The following ZNF385D variants were observed in gnomAD, a reference collection of about 807,000 sequenced individuals.
The protein encoded by ZNF385D is zinc finger protein 385D.
ZNF385D carries 15 observed loss-of-function variants against 35.8 expected under a neutral mutation model. The observed-to-expected ratio is 0.42, with a 90% CI of 0.28 to 0.64. The LOEUF (loss-of-function observed/expected upper bound fraction) is 0.64. ZNF385D is among the 30% of genes least tolerant of loss of function. ZNF385D has a pLI of 0.23. For synonymous variants in ZNF385D, 212 were observed against 186.8 expected, an observed-to-expected ratio of 1.13 and a Z score of -1.10; for missense variants, 474 against 494.6, an observed-to-expected ratio of 0.96 and a Z score of 0.39.
chr3:21,823,999 A>G (rs766671100), intron 3 of ZNF385D, among the ~76,000 whole-genome samples: 2 of 152,214 alleles, frequency 1.3e-5, no homozygotes, highest in Admixed American at 6.5e-5. Flanking sequence ...ATAAAATGCA[A>G]TTGTGAAGAA....
intron 3 of ZNF385D, among the ~76,000 whole-genome samples, chr3:22,159,488 C>G (rs565065699): frequency 7.2e-5 from 11 of 152,076 alleles, no homozygotes; most frequent in Admixed American, 5.3e-4. Flanking sequence ...TCATCATTGT[C>G]CTAGTACACA....
chr3:21,448,974 G>A (rs568813328), intron 4 of ZNF385D, among the ~76,000 whole-genome samples: 4 of 151,652 alleles, frequency 2.6e-5, no homozygotes, highest in African/African-American at 4.8e-5. Context: ...TAAAAAAGTC[G>A]ATCTTTCTTT....
At chr3:22,036,770 G>A (rs1576200567) in intron 3 of ZNF385D, among the ~76,000 whole-genome samples, 1 of 143,152 alleles carries the variant, frequency 7.0e-6, no homozygotes. Context: ...GTGCAAGTTT[G>A]CTACATATGT....
chr3:22,037,851 A>T (rs1698434711), intron 3 of ZNF385D, among the ~76,000 whole-genome samples: 1 of 152,118 alleles, frequency 6.6e-6, no homozygotes, highest in Non-Finnish European at 1.5e-5. Flanking sequence ...GGTCTAACAA[A>T]ACAGCATGGT....
At chr3:21,882,392 T>C (rs1344216037) in intron 3 of ZNF385D, among the ~76,000 whole-genome samples, 3 of 146,540 alleles carry the variant, frequency 2.0e-5, no homozygotes, top group South Asian at 2.3e-4. Context: ...AAGCATTTTT[T>C]AGTAATAAAA....
intron 3 of ZNF385D, among the ~76,000 whole-genome samples, chr3:22,079,374 A>G (rs534096376): frequency 6.6e-6 from 1 of 152,072 alleles, no homozygotes; most frequent in African/African-American, 2.4e-5. Context: ...TACAACATTA[A>G]TTATATAATT....
intron 2 of ZNF385D, among the ~76,000 whole-genome samples, chr3:21,608,750 A>T (rs2125783702): frequency 6.6e-6 from 1 of 152,292 alleles, no homozygotes; most frequent in East Asian, 1.9e-4. Context: ...TTCATGTAGA[A>T]GTCAAAATTC....
chr3:21,845,895 G>A (rs922267688), intron 3 of ZNF385D, among the ~76,000 whole-genome samples: 2 of 151,926 alleles, frequency 1.3e-5, no homozygotes, highest in African/African-American at 4.8e-5. Flanking sequence ...ACACAAAAAA[G>A]AGGCTCCCAG....
At chr3:21,441,086 C>A (rs1311592222) in intron 4 of ZNF385D, among the ~76,000 whole-genome samples, 8 of 152,116 alleles carry the variant, frequency 5.3e-5, no homozygotes, top group Non-Finnish European at 7.4e-5. Flanking sequence ...AAACATAGAT[C>A]ATGTACTTAG....
chr3:22,329,056 G>C (rs534504791), intron 2 of ZNF385D, among the ~76,000 whole-genome samples: 2 of 125,112 alleles, frequency 1.6e-5, no homozygotes, highest in East Asian at 4.6e-4. Context: ...CAGCCTGGGC[G>C]ACAGAGCGAG....
intron 3 of ZNF385D, among the ~76,000 whole-genome samples, chr3:22,012,673 G>C (rs986497792): frequency 1.3e-5 from 2 of 151,996 alleles, no homozygotes; most frequent in Non-Finnish European, 2.9e-5. Context: ...CACTCAACAG[G>C]GAAGTATAAT....
At chr3:21,840,604 T>C (rs1695605433) in intron 3 of ZNF385D, among the ~76,000 whole-genome samples, 1 of 152,034 alleles carries the variant, frequency 6.6e-6, no homozygotes, top group African/African-American at 2.4e-5. Flanking sequence ...TATGAATGCA[T>C]TTGGGATTTG....
chr3:21,982,722 G>C lies in ZNF385D; in HGVS notation c.325+186095C>G, dbSNP rs115823572. ...TCAGTATAACATTGACTGTGGATTT[G>C]TCATAGATGGCTCTTATTATTTTGA... On this transcript the variant is annotated intron_variant, in intron 3 of 5. Coordinates refer to the ZNF385D transcript ENST00000494108. 2.4e-3 allele frequency among the ~76,000 whole-genome samples: 366 copies of C among 152,112 alleles called. 1 individual carries two copies. The highest frequency in any genetic ancestry group is 8.4e-3 in the African/African-American group (347 of 41,468).
At chr3:21,820,111 C>T (rs566524782) in intron 3 of ZNF385D, among the ~76,000 whole-genome samples, 2 of 151,478 alleles carry the variant, frequency 1.3e-5, no homozygotes, top group African/African-American at 4.8e-5. Flanking sequence ...ATTTAATAAG[C>T]TTTATCTAAT....
At chr3:21,877,323 G>A (rs542645435) in intron 3 of ZNF385D, among the ~76,000 whole-genome samples, 1 of 152,134 alleles carries the variant, frequency 6.6e-6, no homozygotes, top group African/African-American at 2.4e-5. Flanking sequence ...CAAAAGCACA[G>A]TGGCCTGGAA....
intron 2 of ZNF385D, among the ~76,000 whole-genome samples, chr3:21,635,551 GTTT>G (rs1328375447): frequency 1.9e-5 from 2 of 102,782 alleles, no homozygotes; most frequent in African/African-American, 6.5e-5. Flanking sequence ...TGTTGTTGTT[GTTT>G]GTTTGTTTTG....
chr3:22,089,657 C>T (rs930228633), intron 3 of ZNF385D, among the ~76,000 whole-genome samples: 4 of 152,088 alleles, frequency 2.6e-5, no homozygotes, highest in Admixed American at 6.6e-5. Flanking sequence ...GATCTCTGCC[C>T]TGAGTAAGGG....
chr3:21,574,075 A>AAT (rs58608085), intron 2 of ZNF385D, among the ~76,000 whole-genome samples: 1 of 147,984 alleles, frequency 6.8e-6, no homozygotes, highest in African/African-American at 2.5e-5. Context: ...AAAAAAAAAA[A>AAT]GGAAGGGAGG....
chr3:21,887,677 T>C (rs969364820), intron 3 of ZNF385D, among the ~76,000 whole-genome samples: 5 of 152,110 alleles, frequency 3.3e-5, no homozygotes, highest in African/African-American at 1.2e-4. Flanking sequence ...TAATATTCCT[T>C]AGGCCACATC....
Sources: allele counts gnomAD v4.1 joint callset (sites outside exome capture counted in the v4.1 genomes callset), GRCh38; gene constraint gnomAD v4.1.1; transcripts MANE v1.5; gene names NCBI Gene and HGNC (gene_info 2026-07-23, HGNC 2026-07-21).